PAICS: variants seen among roughly 807,000 people sequenced by gnomAD.
PAICS encodes the protein bifunctional phosphoribosylaminoimidazole carboxylase/phosphoribosylaminoimidazole succinocarboxamide synthetase.
Under a neutral mutation model 53.7 loss-of-function variants are expected in PAICS, and 33 were observed. The ratio of observed to expected loss-of-function variants is 0.61; its 90% CI spans 0.47 to 0.82. PAICS has a LOEUF of 0.82. Among genes scored for constraint, PAICS ranks in the 40% least tolerant of loss-of-function variants. The probability of loss-of-function intolerance (pLI) is 0.00; values close to 1 mark genes in which losing one functional copy is unlikely to be tolerated. For missense variants in PAICS, 394 were observed against 494.1 expected (o/e 0.80, Z 1.92); for synonymous variants, 141 against 167.2 (o/e 0.84, Z 1.21).
upstream of PAICS, chr4:56,435,352 G>A (rs779886575): frequency 8.1e-6 from 13 of 1,613,692 alleles, no homozygotes; most frequent in Admixed American, 8.3e-5. Context: ...TTGCTCACCG[G>A]TGCTGCAGCC....
intron 1 of PAICS, among the ~76,000 whole-genome samples, chr4:56,438,172 A>G (rs1355909716): frequency 6.6e-6 from 1 of 151,888 alleles, no homozygotes; most frequent in African/African-American, 2.4e-5. Flanking sequence ...CTTCAGCCCT[A>G]ACTTTGATTT....
At chr4:56,433,349 C>A (rs1717702741), upstream of PAICS, among the ~76,000 whole-genome samples, 1 of 137,228 alleles carries the variant, frequency 7.3e-6, no homozygotes. Context: ...CACAGAAAAG[C>A]AACTATAGAA....
At chr4:56,458,701 G>A (rs1377415857) in intron 8 of PAICS, among the ~76,000 whole-genome samples, 4 of 152,106 alleles carry the variant, frequency 2.6e-5, no homozygotes, top group East Asian at 1.9e-4. Flanking sequence ...CGGGAAAATC[G>A]AGCTTTTGGA....
In PAICS at chr4:56,452,161, G is replaced by GA. The variant is rs1718953053; in HGVS notation, c.952+114dup. ...AAAGAGCTTTGTCAGTTTTCTAAGG[G>GA]AAAAACACATGATATACTAGGCTTT... On this transcript the variant is annotated intron_variant, in intron 7 of 8. Transcript: ENST00000512576. 7.0e-6 allele frequency: 5 copies of GA among 717,972 alleles called. No individual in the cohort carries two copies. The South Asian group carries it at 1.0e-4, about 14-fold the overall frequency. The allele number at this position is 717,972 out of a possible 1,614,324, so 44.5% of individuals were successfully genotyped here.
upstream of PAICS, chr4:56,435,659 C>G: frequency 6.9e-7 from 1 of 1,439,624 alleles, no homozygotes. Flanking sequence ...CAGCTCAGCC[C>G]TGCTCCTCCC....
upstream of PAICS, chr4:56,435,266 G>A (rs1717839966): frequency 1.9e-6 from 3 of 1,578,560 alleles, no homozygotes; most frequent in African/African-American, 1.3e-5. Context: ...CCGGGCCCTC[G>A]GGCGCTCATG....
At chr4:56,413,121 T>C in the PAICS span, among the ~76,000 whole-genome samples, 1 of 150,168 alleles carries the variant, frequency 6.7e-6, no homozygotes, top group Admixed American at 6.7e-5. Context: ...ACTTTGGTTT[T>C]TTGTTGTTGT....
Position 56,450,680 on chromosome 4 carries a change from A to G in PAICS, c.749A>G (p.Glu250Gly). 3 of 1,525,330 alleles carry G rather than the reference A, an allele frequency of 2.0e-6. No homozygotes were observed. Among genetic ancestry groups the G allele is most frequent in the Non-Finnish European group, 2.7e-6 (3 of 1,119,388 alleles). The allele number at this position is 1,525,330 out of a possible 1,614,324, so 94.5% of individuals were successfully genotyped here. The change falls in exon 6 of 9, where the codon GAG becomes GGG. Residue 250 changes from glutamate (E) to glycine (G), a missense_variant. This residue lies in a region of PAICS where 131 missense variants were observed against 205.5 expected (regional missense o/e 0.64). Coordinates refer to ENST00000512576, the MANE Select transcript of PAICS (RefSeq NM_001079524.2). ...EGLQMVKKNF[E>G]WVAERVELLL... is the part of the protein sequence containing the mutation. ...CTCCAAATGGTAAAGAAAAACTTTGAGTGGGTTGCAGAGAGAGTAGAGGTA... is the reference window on the plus strand; with the variant it reads ...CTCCAAATGGTAAAGAAAAACTTTGGGTGGGTTGCAGAGAGAGTAGAGGTA...
rs1307146045 is a variant in PAICS, at chr4:56,462,399, A to T, written c.*2861A>T. 1 of 152,254 alleles carries T rather than the reference A, an allele frequency of 6.6e-6. No homozygotes were observed. Among genetic ancestry groups the T allele is most frequent in the African/African-American group, 2.4e-5 (1 of 41,468 alleles). The allele number at this position is 152,254 out of a possible 1,614,324, so 9.4% of individuals were successfully genotyped here. A position where few individuals can be genotyped will look rare whatever the true frequency, so the allele number is the denominator to read the frequency against. On this transcript the variant is annotated 3_prime_UTR_variant, in exon 9 of 9. Transcript: ENST00000512576. ...AGTGTGACAGGAAAAACTCAGTTTG[A>T]GCAGAGGCTTGACATACTTAACATA...
chr4:56,413,150 G>GTCT, the PAICS span, among the ~76,000 whole-genome samples: 1 of 151,138 alleles, frequency 6.6e-6, no homozygotes, highest in Admixed American at 6.6e-5. Context: ...TCTTGTTTTT[G>GTCT]GTTTTTGGTT....
chr4:56,435,312 G>A (rs776938734), upstream of PAICS: 21 of 1,610,968 alleles, frequency 1.3e-5, no homozygotes, highest in South Asian at 2.2e-4. Context: ...CCGAGAGATG[G>A]AGACGCACGC....
At chr4:56,423,056 AT>A in the PAICS span, 2 of 152,176 alleles carry the variant, frequency 1.3e-5, no homozygotes, top group African/African-American at 4.8e-5. Context: ...TTGCTACCTG[AT>A]AGTTTGCCTC....
chr4:56,457,044 G>A (rs570429980), intron 8 of PAICS, among the ~76,000 whole-genome samples: 6 of 152,312 alleles, frequency 3.9e-5, no homozygotes, highest in Non-Finnish European at 8.8e-5. Context: ...TTTCTTAAGT[G>A]TTGACCAGAA....
upstream of PAICS, chr4:56,435,275 T>A (rs1372372975): frequency 1.3e-6 from 2 of 1,594,790 alleles, no homozygotes; most frequent in African/African-American, 1.3e-5. Flanking sequence ...CGGGCGCTCA[T>A]GAGAACGCCG....
intron 1 of PAICS, chr4:56,436,697 G>A (rs1717995098): frequency 4.2e-6 from 2 of 472,134 alleles, no homozygotes; most frequent in Non-Finnish European, 4.1e-6. Context: ...TGAAACTTTT[G>A]AAAGACCTGT....
upstream of PAICS, among the ~76,000 whole-genome samples, chr4:56,432,202 T>C (rs1373124364): frequency 6.6e-6 from 1 of 152,110 alleles, no homozygotes; most frequent in Non-Finnish European, 1.5e-5. Context: ...ACAAAAGTGA[T>C]AGAAATCTCA....
chr4:56,419,396 A>T, the PAICS span, among the ~76,000 whole-genome samples: 1 of 152,158 alleles, frequency 6.6e-6, no homozygotes, highest in South Asian at 2.1e-4. Flanking sequence ...AAATATGACT[A>T]AAAAAACACA....
intron 1 of PAICS, among the ~76,000 whole-genome samples, chr4:56,437,081 G>A (rs1399124340): frequency 1.3e-5 from 2 of 151,604 alleles, no homozygotes. Context: ...GTGCACGCGC[G>A]CGTGAAGTAG....
Position 56,441,647 on chromosome 4 carries a change from C to T in PAICS, c.17-16C>T. ...AAGTTTCTGAATTTTGGTCTATTTCCATTTTATTTCCACAGTACTGAACAT... is the reference window on the plus strand; with the variant it reads ...AAGTTTCTGAATTTTGGTCTATTTCTATTTTATTTCCACAGTACTGAACAT... On this transcript the variant is annotated splice_polypyrimidine_tract_variant and intron_variant, in intron 1 of 8. Transcript: ENST00000512576. 7 of 1,368,542 alleles carry T rather than the reference C, an allele frequency of 5.1e-6. No homozygotes were observed. Among genetic ancestry groups the T allele is most frequent in the Admixed American group, 2.7e-5 (1 of 36,642 alleles). 84.8% of individuals were successfully genotyped at this position (1,368,542 alleles called of 1,614,324 possible). A position where few individuals can be genotyped will look rare whatever the true frequency, so the allele number is the denominator to read the frequency against.
Sources: allele counts gnomAD v4.1 joint callset (sites outside exome capture counted in the v4.1 genomes callset), GRCh38; gene constraint gnomAD v4.1.1; regional missense constraint gnomAD v4.1.1; transcripts MANE v1.5; gene names NCBI Gene and HGNC (gene_info 2026-07-23, HGNC 2026-07-21).